The following ARHGAP39 variants were observed in gnomAD, a reference collection of about 807,000 sequenced individuals.
The protein encoded by ARHGAP39 is Rho GTPase activating protein 39, also known as rho GTPase-activating protein 39.
Under a neutral mutation model 106.9 loss-of-function variants are expected in ARHGAP39, and 44 were observed. The ratio of observed to expected loss-of-function variants is 0.41; its 90% CI spans 0.32 to 0.53. The LOEUF (loss-of-function observed/expected upper bound fraction) is 0.53, where lower values mean the gene tolerates loss of function less well. Ranked by LOEUF, ARHGAP39 falls within the 20% of genes least tolerant of loss-of-function variation. The pLI is 0.21. For missense variants in ARHGAP39, 1,496 were observed against 1,577.3 expected (o/e 0.95, Z 0.87); for synonymous variants, 768 against 693.2 (o/e 1.11, Z -1.69).
intron 2 of ARHGAP39, among the ~76,000 whole-genome samples, chr8:144,600,128 A>G (rs1819793392): frequency 6.9e-6 from 1 of 145,264 alleles, no homozygotes; most frequent in Non-Finnish European, 1.5e-5. Context: ...CGTAGAGACG[A>G]GTGTGCGAGC....
At position 144,548,132 on chromosome 8, in the gene ARHGAP39, C is replaced by T. The variant is rs750528567; in HGVS notation, c.954G>A (p.Val318=). Residue 318 remains valine, a synonymous_variant, in exon 5 of 12, where the codon GTG becomes GTA. Transcript: ENST00000377307. This position sits in a 1 kb window ranked among gnomAD's most constrained non-coding sequence, Gnocchi z 7.4. The part of the protein sequence containing the change: ...YEPPLYEEPP[V]EYQAPIYDEP... ...CATCGTAGATGGGGGCCTGGTACTCCACTGGGGGCTCCTCGTAGAGCGGGG... is the reference window on the plus strand; with the variant it reads ...CATCGTAGATGGGGGCCTGGTACTCTACTGGGGGCTCCTCGTAGAGCGGGG... 3 of 1,577,382 alleles carry T rather than the reference C, an allele frequency of 1.9e-6. No homozygotes were observed. Among genetic ancestry groups the T allele is most frequent in the East Asian group, 4.5e-5 (2 of 44,376 alleles).
chr8:144,669,442 A>G (rs1822043656), intron 1 of ARHGAP39, among the ~76,000 whole-genome samples: 1 of 141,984 alleles, frequency 7.0e-6, no homozygotes, highest in Non-Finnish European at 1.5e-5. Flanking sequence ...AGGAGATGGA[A>G]CTTGCAGTGA....
intron 2 of ARHGAP39, among the ~76,000 whole-genome samples, chr8:144,590,539 C>T (rs968509252): frequency 2.6e-5 from 4 of 152,222 alleles, no homozygotes; most frequent in African/African-American, 9.6e-5. Flanking sequence ...CAGATGCTGG[C>T]GCCATGCTTC....
chr8:144,570,703 T>G (rs909993987), intron 3 of ARHGAP39, among the ~76,000 whole-genome samples: 4 of 151,678 alleles, frequency 2.6e-5, no homozygotes, highest in African/African-American at 9.7e-5. Context: ...AAAAATAGGT[T>G]GAAAAGATCA....
At chr8:144,627,554 C>CAAAAAA (rs386414277) in intron 1 of ARHGAP39, among the ~76,000 whole-genome samples, 1 of 103,796 alleles carries the variant, frequency 9.6e-6, no homozygotes. Flanking sequence ...GACTCCATCT[C>CAAAAAA]AAAAAAAAAA....
chr8:144,687,847 A>T (rs367593356), upstream of ARHGAP39, among the ~76,000 whole-genome samples: 11 of 36,392 alleles, frequency 3.0e-4, no homozygotes, highest in African/African-American at 3.3e-4. Flanking sequence ...ACCACACACT[A>T]GCAGTGAGCA....
chr8:144,630,307 G>C (rs1160387560), intron 1 of ARHGAP39, among the ~76,000 whole-genome samples: 1 of 152,236 alleles, frequency 6.6e-6, no homozygotes, highest in Non-Finnish European at 1.5e-5. Flanking sequence ...AACCATGCCT[G>C]TCTGGAAATG....
At chr8:144,642,207 G>A (rs764495221) in intron 1 of ARHGAP39, among the ~76,000 whole-genome samples, 2 of 152,204 alleles carry the variant, frequency 1.3e-5, no homozygotes, top group Non-Finnish European at 2.9e-5. Flanking sequence ...AAAGTGGGCT[G>A]GGTGCAGTGG....
chr8:144,599,024 C>T (rs973865424), intron 2 of ARHGAP39, among the ~76,000 whole-genome samples: 4 of 152,206 alleles, frequency 2.6e-5, no homozygotes, highest in Admixed American at 6.5e-5. Flanking sequence ...GCCCCAAAGC[C>T]CAGGCTGCAT....
At position 144,545,704 on chromosome 8, in the gene ARHGAP39, G is replaced by T; in HGVS notation, c.2066C>A (p.Ser689Tyr). 1 of 1,613,110 alleles carries T rather than the reference G, an allele frequency of 6.2e-7. No individual in the cohort carries two copies. The highest frequency in any genetic ancestry group is 8.5e-7 in the Non-Finnish European group (1 of 1,180,018). The part of the protein sequence containing the change: ...VFPTFTLRKP[S>Y]SETDIENWAS... ...CCAGTTCTCGATGTCCGTCTCCGAG[G>T]AGGGCTTGCGCAGCGTGAAAGTGGG... is the stretch of plus-strand genomic sequence containing the variant. Residue 689 changes from serine (S) to tyrosine (Y), a missense_variant, in exon 6 of 12, where the codon TCC becomes TAC. Ser to Tyr is a moderately radical substitution (Grantham distance 144). This residue lies in a region of ARHGAP39 where 470 missense variants were observed against 605.1 expected (regional missense o/e 0.78). Coordinates refer to ENST00000377307, the MANE Select transcript of ARHGAP39 (RefSeq NM_025251.3).
chr8:144,654,578 C>T (rs545030465), intron 1 of ARHGAP39, among the ~76,000 whole-genome samples: 1 of 152,330 alleles, frequency 6.6e-6, no homozygotes, highest in Non-Finnish European at 1.5e-5. Context: ...TGCCATCACG[C>T]TGGCTGCAGC....
At chr8:144,683,811 C>T (rs1822496633) in intron 1 of ARHGAP39, among the ~76,000 whole-genome samples, 1 of 152,054 alleles carries the variant, frequency 6.6e-6, no homozygotes, top group South Asian at 2.1e-4. Context: ...TGTAAACTTC[C>T]AGTTTACATT....
Position 144,581,177 on chromosome 8 carries a change from T to C in ARHGAP39, c.181A>G (p.Ile61Val). ...CACTGGTTCTCGCTGGTGCGCTTGATGCGGACGCCGGCCGGCGGGTCCCAC... is the reference window on the plus strand; with the variant it reads ...CACTGGTTCTCGCTGGTGCGCTTGACGCGGACGCCGGCCGGCGGGTCCCAC... ...CVWDPPAGVRIKRTSENQWWE... is the reference protein window; with the variant it reads ...CVWDPPAGVRVKRTSENQWWE... Residue 61 changes from isoleucine to valine, a missense_variant, in exon 3 of 12, where the codon ATC (isoleucine) becomes GTC (valine). Ile to Val is a conservative substitution (Grantham distance 29). Coordinates refer to ENST00000377307, the MANE Select transcript of ARHGAP39 (RefSeq NM_025251.3). 1 of 1,566,774 alleles carries C rather than the reference T, an allele frequency of 6.4e-7. No individual in the cohort carries two copies. The highest frequency in any genetic ancestry group is 1.2e-5 in the South Asian group (1 of 85,294).
chr8:144,683,335 A>ATTTT (rs1262627951), intron 1 of ARHGAP39: 1 of 150,294 alleles, frequency 6.7e-6, no homozygotes, highest in Non-Finnish European at 1.5e-5. Context: ...AATAAAAATA[A>ATTTT]AATAAAATAA....
In ARHGAP39 at chr8:144,642,482, G is replaced by A. The variant is rs189696238; in HGVS notation, c.-81-36787C>T. On this transcript the variant is annotated intron_variant, in intron 1 of 11. Coordinates refer to ENST00000377307, the MANE Select transcript of ARHGAP39 (RefSeq NM_025251.3). The stretch of plus-strand genomic sequence containing the variant: ...AGCCTGGGTGACAGAGTGAGACTCC[G>A]TCTTAGGGGAAAAAAAATAGATAAA... Among the ~76,000 whole-genome samples, 102 of 151,384 alleles carry A rather than the reference G, an allele frequency of 6.7e-4. 1 individual carries two copies. Among genetic ancestry groups the A allele is most frequent in the Admixed American group, 4.0e-4 (6 of 15,160 alleles).
At chr8:144,611,597 G>T (rs1008221540) in intron 1 of ARHGAP39, among the ~76,000 whole-genome samples, 17 of 152,130 alleles carry the variant, frequency 1.1e-4, no homozygotes, top group African/African-American at 4.1e-4. Flanking sequence ...TCTTTATCCT[G>T]GTTGTTTCCT....
At chr8:144,581,682 C>T (rs1818997785) in intron 2 of ARHGAP39, among the ~76,000 whole-genome samples, 1 of 152,238 alleles carries the variant, frequency 6.6e-6, no homozygotes, top group African/African-American at 2.4e-5. Flanking sequence ...GGACCGCCAC[C>T]TCCACACTGG....
intron 1 of ARHGAP39, among the ~76,000 whole-genome samples, chr8:144,627,439 C>T (rs1376023299): frequency 6.6e-6 from 1 of 151,890 alleles, no homozygotes; most frequent in Non-Finnish European, 1.5e-5. Flanking sequence ...CCTGTATTCC[C>T]ACCTACTCAG....
chr8:144,553,741 G>A (rs1437724998), intron 4 of ARHGAP39, among the ~76,000 whole-genome samples: 1 of 152,370 alleles, frequency 6.6e-6, no homozygotes, highest in East Asian at 1.9e-4. Flanking sequence ...AAGGAGGCCA[G>A]GCTGCCATCA....
Sources: allele counts gnomAD v4.1 joint callset (sites outside exome capture counted in the v4.1 genomes callset), GRCh38; gene constraint gnomAD v4.1.1; regional missense constraint gnomAD v4.1.1; non-coding constraint Gnocchi (gnomAD v3.1); transcripts MANE v1.5; gene names NCBI Gene and HGNC (gene_info 2026-07-23, HGNC 2026-07-21).